Variants in RCSD1 observed in about 807,000 individuals in gnomAD.
RCSD1 encodes capZ-interacting protein.
In RCSD1, 26 loss-of-function variants were observed where a neutral mutation model predicts 42.5. That is an observed-to-expected ratio of 0.61 (90% CI 0.45 to 0.85). The LOEUF is 0.85. RCSD1 is among the 40% of genes least tolerant of loss of function. The pLI is 0.00. For missense variants in RCSD1, 571 were observed against 528.3 expected (o/e 1.08, Z -0.79); for synonymous variants, 220 against 212.2 (o/e 1.04, Z -0.32).
At position 167,686,999 on chromosome 1, in the gene RCSD1, G is replaced by C. The variant is rs1659250361; in HGVS notation, c.198+1489G>C. ...AGTTTTATCCCCTAGAGTAAAAGCA[G>C]AGGGAGTTAGGCTAGTGATTGGGTT... On this transcript the variant is annotated intron_variant, in intron 3 of 6. Transcript: ENST00000367854. Among the ~76,000 whole-genome samples, 3 of 152,358 alleles carry C rather than the reference G, an allele frequency of 2.0e-5. No homozygotes were observed. The South Asian group carries it at 6.2e-4, about 32-fold the overall frequency.
At chr1:167,667,923 G>A (rs1217165323) in intron 1 of RCSD1, among the ~76,000 whole-genome samples, 1 of 152,100 alleles carries the variant, frequency 6.6e-6, no homozygotes, top group African/African-American at 2.4e-5. Flanking sequence ...AGGGGATGGA[G>A]CCATGAATAA....
chr1:167,635,380 T>G (rs566618245), intron 1 of RCSD1, among the ~76,000 whole-genome samples: 102 of 152,248 alleles, frequency 6.7e-4, no homozygotes, highest in Non-Finnish European at 1.2e-3. Context: ...GCAGACATCT[T>G]CCATTTGTTG....
intron 1 of RCSD1, among the ~76,000 whole-genome samples, chr1:167,669,030 C>T (rs1344407263): frequency 6.6e-6 from 1 of 152,164 alleles, no homozygotes. Context: ...TTTCTTCTGC[C>T]TCCGAATTAG....
At chr1:167,645,009 A>C (rs1333489094) in intron 1 of RCSD1, among the ~76,000 whole-genome samples, 1 of 152,250 alleles carries the variant, frequency 6.6e-6, no homozygotes, top group Non-Finnish European at 1.5e-5. Context: ...TAAGGACCCC[A>C]GGTCTTTCCT....
In RCSD1 at chr1:167,648,710, G is replaced by C. The variant is rs577163992; in HGVS notation, c.6+18281G>C. 3.2e-4 allele frequency among the ~76,000 whole-genome samples: 49 copies of C among 152,294 alleles called. 1 individual carries two copies. In the South Asian group the frequency reaches 7.5e-3, roughly 23 times the overall value. ...TACCAGTGATGGGGTGCGGGCAACA[G>C]TGAGCCCGGGGACACCAGGACACCA... On this transcript the variant is annotated intron_variant, in intron 1 of 6. Transcript: ENST00000367854.
At position 167,678,666 on chromosome 1, in the gene RCSD1, G is replaced by A. The variant is rs965644214; in HGVS notation, c.7-5234G>A. ...CTCCACAGACAGCTCCTTGATGCGC[G>A]ACTCAGGTCACGTCCCTCCTTGAAA... On this transcript the variant is annotated intron_variant, in intron 1 of 6. Coordinates refer to ENST00000367854, the MANE Select transcript of RCSD1 (RefSeq NM_052862.4). Among the ~76,000 whole-genome samples, 7 of 152,050 alleles carry A rather than the reference G, an allele frequency of 4.6e-5. No individual in the cohort carries two copies. In the East Asian group the frequency reaches 5.8e-4, roughly 13 times the overall value.
intron 5 of RCSD1, among the ~76,000 whole-genome samples, chr1:167,695,075 C>CA (rs112979220): frequency 0.05 from 7,427 of 148,426 alleles, 234 homozygotes; most frequent in Middle Eastern, 0.13. Context: ...GTCCAGCTAG[C>CA]AAAAAAAAAA....
intron 2 of RCSD1, among the ~76,000 whole-genome samples, chr1:167,685,049 A>G (rs569802393): frequency 4.9e-4 from 74 of 152,304 alleles, no homozygotes; most frequent in Admixed American, 2.5e-3. Context: ...TAGACAGTAC[A>G]GGCATGTCAT....
At chr1:167,678,111 CAGCTT>C (rs540851088) in intron 1 of RCSD1, among the ~76,000 whole-genome samples, 208 of 152,322 alleles carry the variant, frequency 1.4e-3, no homozygotes, top group African/African-American at 4.8e-3. Flanking sequence ...GAATGAAAGG[CAGCTT>C]AGGGTGACTA....
intron 6 of RCSD1, among the ~76,000 whole-genome samples, chr1:167,702,971 TC>T (rs1659678249): frequency 1.3e-5 from 2 of 152,166 alleles, no homozygotes; most frequent in Admixed American, 6.6e-5. Flanking sequence ...AGTGCCGACT[TC>T]CTAATTGCCT....
At chr1:167,643,130 G>A (rs1216206251) in intron 1 of RCSD1, among the ~76,000 whole-genome samples, 2 of 152,200 alleles carry the variant, frequency 1.3e-5, no homozygotes, top group African/African-American at 2.4e-5. Context: ...GTAAGATTAT[G>A]CATGTAATAA....
chr1:167,689,923 C>A, intron 3 of RCSD1, 126 bp from the exon 4 acceptor site: 1 of 837,360 alleles, frequency 1.2e-6, no homozygotes, highest in Non-Finnish European at 2.0e-6. Flanking sequence ...ATGTGGGCTA[C>A]TGAACTAATG....
At chr1:167,638,450 C>T (rs1657913505) in intron 1 of RCSD1, 1 of 152,208 alleles carries the variant, frequency 6.6e-6, no homozygotes, top group Non-Finnish European at 1.5e-5. Context: ...AAGGTAATTA[C>T]CAACCTTCTA....
At chr1:167,692,910 G>A (rs1659409691) in intron 4 of RCSD1, among the ~76,000 whole-genome samples, 1 of 152,118 alleles carries the variant, frequency 6.6e-6, no homozygotes, top group Non-Finnish European at 1.5e-5. Flanking sequence ...AAGGGGAGCT[G>A]GGAGGGAGAG....
At position 167,697,476 on chromosome 1, in the gene RCSD1, G is replaced by A. The variant is rs376757851; in HGVS notation, c.852G>A (p.Ser284=). The change falls in exon 6 of 7, where the codon TCG becomes TCA. Residue 284 remains serine (S), a synonymous_variant. Coordinates refer to ENST00000367854, the MANE Select transcript of RCSD1 (RefSeq NM_052862.4). ...CGGCCCAAGAGGAGGTCCCGGAATCGCCCCAGACCTCTGGCCCAGAGGCAG... is the reference window on the plus strand; with the variant it reads ...CGGCCCAAGAGGAGGTCCCGGAATCACCCCAGACCTCTGGCCCAGAGGCAG... The part of the protein sequence containing the change: ...QHPAQEEVPE[S]PQTSGPEAEN... 93 of 1,609,824 alleles carry A rather than the reference G, an allele frequency of 5.8e-5. No homozygotes were observed. The African/African-American group carries it at 5.9e-4, about 10-fold the overall frequency.
chr1:167,659,712 C>T, intron 1 of RCSD1, among the ~76,000 whole-genome samples: 1 of 152,176 alleles, frequency 6.6e-6, no homozygotes, highest in Middle Eastern at 3.2e-3. Flanking sequence ...TAGCTTCTGT[C>T]ATCTCTTTCC....
At chr1:167,637,553 G>A (rs987440250) in intron 1 of RCSD1, among the ~76,000 whole-genome samples, 3 of 152,110 alleles carry the variant, frequency 2.0e-5, no homozygotes, top group East Asian at 1.9e-4. Context: ...GAACACACAG[G>A]AGACCTCAAT....
intron 1 of RCSD1, among the ~76,000 whole-genome samples, chr1:167,643,833 T>G (rs1183645437): frequency 6.6e-6 from 1 of 152,266 alleles, no homozygotes; most frequent in African/African-American, 2.4e-5. Flanking sequence ...AATTGTTTAT[T>G]GATTAAGGAA....
chr1:167,688,800 A>C (rs1659303296), intron 3 of RCSD1, among the ~76,000 whole-genome samples: 1 of 152,150 alleles, frequency 6.6e-6, no homozygotes, highest in African/African-American at 2.4e-5. Flanking sequence ...AAATTAGTAC[A>C]TGGGGTCAAG....
Sources: gnomAD v4.1 joint callset for allele counts (sites outside exome capture counted in the v4.1 genomes callset) on GRCh38, gnomAD v4.1.1 for gene constraint, MANE v1.5 for transcripts, NCBI Gene and HGNC (gene_info 2026-07-23, HGNC 2026-07-21) for gene names.